Variants in TNRC6B observed in about 807,000 individuals in gnomAD.
TNRC6B encodes the protein trinucleotide repeat containing adaptor 6B.
TNRC6B carries 52 observed loss-of-function variants against 203.6 expected under a neutral mutation model. The observed-to-expected ratio is 0.26, with a 90% CI of 0.20 to 0.32. The LOEUF is 0.32. Ranked by LOEUF, TNRC6B falls within the 10% of genes least tolerant of loss-of-function variation. The pLI is 1.00. For synonymous variants in TNRC6B, 838 were observed against 845.7 expected (o/e 0.99, Z 0.16); for missense variants, 1,923 against 2,286.2 (o/e 0.84, Z 3.24).
At chr22:40,124,258 C>T (rs1015867007) in intron 2 of TNRC6B, among the ~76,000 whole-genome samples, 6 of 151,696 alleles carry the variant, frequency 4.0e-5, no homozygotes, top group East Asian at 1.9e-4. Context: ...GATCATCAAG[C>T]GTTGTGCATT....
chr22:40,161,750 G>A (rs1262451714), intron 4 of TNRC6B, among the ~76,000 whole-genome samples: 1 of 152,116 alleles, frequency 6.6e-6, no homozygotes, highest in Non-Finnish European at 1.5e-5. Flanking sequence ...TTTCCATGGG[G>A]TTTATTTACT....
rs745686830 is a variant in TNRC6B at position 40,264,938 on chromosome 22, T to G, written c.708T>G (p.Thr236=). 26 of 1,613,666 alleles carry G rather than the reference T, an allele frequency of 1.6e-5. No individual in the cohort carries two copies. Among genetic ancestry groups the G allele is most frequent in the Non-Finnish European group, 2.0e-5 (24 of 1,179,854 alleles). Residue 236 remains threonine (T), a synonymous_variant, in exon 5 of 23, where the codon ACT becomes ACG. Transcript: ENST00000454349. The part of the protein sequence containing the change: ...SEKSTLPGST[T]SNKGKGSQCQ... ...AGAGCACTCTGCCAGGAAGCACCAC[T>G]AGTAACAAAGGAAAAGGGAGCCAGT...
chr22:40,083,387 G>C (rs186976658), intron 1 of TNRC6B, among the ~76,000 whole-genome samples: 1 of 152,164 alleles, frequency 6.6e-6, no homozygotes, highest in African/African-American at 2.4e-5. Context: ...TTGGCAGCAT[G>C]GATATTGCTG....
chr22:40,165,362 C>G (rs78560164), intron 4 of TNRC6B, among the ~76,000 whole-genome samples: 1 of 151,542 alleles, frequency 6.6e-6, no homozygotes, highest in Non-Finnish European at 1.5e-5. Context: ...TTTTTAGTAG[C>G]GACAAAGCCT....
intron 4 of TNRC6B, among the ~76,000 whole-genome samples, chr22:40,172,345 G>A (rs1414252846): frequency 6.6e-6 from 1 of 152,222 alleles, no homozygotes; most frequent in Non-Finnish European, 1.5e-5. Flanking sequence ...CCATATAGAC[G>A]AGAACCTTCT....
intron 4 of TNRC6B, among the ~76,000 whole-genome samples, chr22:40,162,327 C>A (rs1456070874): frequency 1.3e-5 from 2 of 152,112 alleles, no homozygotes; most frequent in Non-Finnish European, 2.9e-5. Flanking sequence ...ATCTCCTGAC[C>A]TCGTGATCCG....
At chr22:40,314,464 G>C (rs572808075) in intron 19 of TNRC6B, among the ~76,000 whole-genome samples, 2 of 152,192 alleles carry the variant, frequency 1.3e-5, no homozygotes, top group South Asian at 4.1e-4. Flanking sequence ...TTACCTCTCT[G>C]CCCCTGTGAA....
At chr22:40,148,785 T>C (rs2068719414) in intron 3 of TNRC6B, among the ~76,000 whole-genome samples, 1 of 152,054 alleles carries the variant, frequency 6.6e-6, no homozygotes, top group Admixed American at 6.6e-5. Context: ...CTGGTGTTCA[T>C]ATTAAAAGGG....
chr22:40,218,324 C>CT (rs71199275), intron 1 of TNRC6B, among the ~76,000 whole-genome samples: 25,239 of 97,218 alleles, frequency 0.26, 4,468 homozygotes, highest in South Asian at 0.43. Flanking sequence ...TTTTTCTTTT[C>CT]TTTTTTTTTT....
At chr22:40,109,118 C>G (rs1308706200) in intron 1 of TNRC6B, among the ~76,000 whole-genome samples, 1 of 152,266 alleles carries the variant, frequency 6.6e-6, no homozygotes. Context: ...TGATCTCATT[C>G]CTCTTTATGG....
At chr22:40,185,761 A>C (rs962775566) in intron 1 of TNRC6B, among the ~76,000 whole-genome samples, 15 of 152,138 alleles carry the variant, frequency 9.9e-5, no homozygotes, top group Admixed American at 5.2e-4. Flanking sequence ...AGTGGTGCAG[A>C]GGAGGACTTG....
intron 10 of TNRC6B, among the ~76,000 whole-genome samples, chr22:40,280,879 G>A (rs1381506482): frequency 1.3e-5 from 2 of 152,170 alleles, no homozygotes; most frequent in Non-Finnish European, 2.9e-5. Flanking sequence ...TTATTGTAAT[G>A]CAATGGACAG....
intron 3 of TNRC6B, among the ~76,000 whole-genome samples, chr22:40,141,863 C>A (rs779459058): frequency 6.6e-6 from 1 of 150,414 alleles, no homozygotes; most frequent in Non-Finnish European, 1.5e-5. Flanking sequence ...CAAGCTCTGC[C>A]TCCCAGGTTC....
intron 1 of TNRC6B, among the ~76,000 whole-genome samples, chr22:40,238,047 A>C (rs896591570): frequency 1.3e-5 from 2 of 152,124 alleles, no homozygotes; most frequent in Admixed American, 1.3e-4. Context: ...CTGTTCTTTA[A>C]ACGCATCTCC....
chr22:40,049,420 C>T (rs941780679), intron 1 of TNRC6B, among the ~76,000 whole-genome samples: 1 of 152,082 alleles, frequency 6.6e-6, no homozygotes, highest in Non-Finnish European at 1.5e-5. Flanking sequence ...GACTTCTATC[C>T]CGGAGATAAA....
chr22:40,117,654 G>A (rs1210470101), intron 2 of TNRC6B, among the ~76,000 whole-genome samples: 1 of 151,922 alleles, frequency 6.6e-6, no homozygotes, highest in African/African-American at 2.4e-5. Context: ...TATATATATA[G>A]TATTTTTTCG....
chr22:40,139,909 G>T (rs2068631356), intron 3 of TNRC6B, among the ~76,000 whole-genome samples: 1 of 152,162 alleles, frequency 6.6e-6, no homozygotes. Context: ...GAGGGTTCCA[G>T]TTTGTCTGCA....
At chr22:40,299,644 G>A (rs2070995952) in intron 12 of TNRC6B, among the ~76,000 whole-genome samples, 1 of 152,164 alleles carries the variant, frequency 6.6e-6, no homozygotes, top group Non-Finnish European at 1.5e-5. Context: ...CCAAACTGCT[G>A]GGATTACAGG....
chr22:40,082,568 T>TG (rs2068070735), intron 1 of TNRC6B, among the ~76,000 whole-genome samples: 1 of 152,248 alleles, frequency 6.6e-6, no homozygotes, highest in African/African-American at 2.4e-5. Flanking sequence ...ATGATGCTGT[T>TG]GAAGACTTAC....
Sources: allele counts gnomAD v4.1 joint callset (sites outside exome capture counted in the v4.1 genomes callset), GRCh38; gene constraint gnomAD v4.1.1; transcripts MANE v1.5; gene names NCBI Gene and HGNC (gene_info 2026-07-23, HGNC 2026-07-21).